Variants in SLC30A8 observed in about 807,000 individuals in gnomAD.
SLC30A8 encodes the protein proton-coupled zinc antiporter SLC30A8.
In SLC30A8, 27 loss-of-function variants were observed where a neutral mutation model predicts 36.9. That is an observed-to-expected ratio of 0.73 (90% CI 0.54 to 1.01). SLC30A8 has a LOEUF of 1.01. SLC30A8 is among the 50% of genes least tolerant of loss of function. The pLI is 0.00. For synonymous variants in SLC30A8, 164 were observed against 172.4 expected (o/e 0.95, Z 0.38); for missense variants, 439 against 452.0 (o/e 0.97, Z 0.26).
intron 2 of SLC30A8, among the ~76,000 whole-genome samples, chr8:117,067,093 G>A (rs565816579): frequency 6.6e-6 from 1 of 152,104 alleles, no homozygotes; most frequent in Non-Finnish European, 1.5e-5. Flanking sequence ...TGAGTAAAGG[G>A]GGAAAAACCC....
chr8:117,033,587 T>C (rs1817122196), intron 1 of SLC30A8, among the ~76,000 whole-genome samples: 1 of 152,246 alleles, frequency 6.6e-6, no homozygotes, highest in Non-Finnish European at 1.5e-5. Context: ...TAAATGTCCC[T>C]GAATTGTTCA....
chr8:116,962,911 AG>A (rs1221696002), intron 1 of SLC30A8, among the ~76,000 whole-genome samples: 1 of 152,024 alleles, frequency 6.6e-6, no homozygotes, highest in Non-Finnish European at 1.5e-5. Flanking sequence ...GTGCCAAAGC[AG>A]GGTACAAGGC....
intron 2 of SLC30A8, among the ~76,000 whole-genome samples, chr8:117,073,676 A>G: frequency 6.6e-6 from 1 of 152,090 alleles, no homozygotes; most frequent in East Asian, 1.9e-4. Context: ...TTTCACCTCA[A>G]CTATTCAAAA....
intron 2 of SLC30A8, among the ~76,000 whole-genome samples, chr8:117,066,797 C>T (rs552253592): frequency 6.6e-6 from 1 of 151,910 alleles, no homozygotes; most frequent in South Asian, 2.1e-4. Flanking sequence ...TCTCCTGAAG[C>T]CTGAAAGTGA....
intron 1 of SLC30A8, among the ~76,000 whole-genome samples, chr8:117,037,116 T>G (rs1817238427): frequency 6.6e-6 from 1 of 152,218 alleles, no homozygotes; most frequent in Admixed American, 6.5e-5. Flanking sequence ...ATTCTTTCTA[T>G]TCTCACCTTT....
chr8:116,961,495 A>G (rs1220419677), intron 1 of SLC30A8, among the ~76,000 whole-genome samples: 1 of 152,032 alleles, frequency 6.6e-6, no homozygotes, highest in Non-Finnish European at 1.5e-5. Context: ...TAAAAACAGA[A>G]TAAAAGACAT....
intron 1 of SLC30A8, among the ~76,000 whole-genome samples, chr8:117,032,787 G>A (rs935697516): frequency 3.3e-5 from 5 of 152,094 alleles, no homozygotes; most frequent in Non-Finnish European, 5.9e-5. Flanking sequence ...CTACTCAGGA[G>A]GCTGAGGCAA....
At chr8:117,138,002 C>T (rs1396123601) in intron 1 of SLC30A8, among the ~76,000 whole-genome samples, 8 of 149,590 alleles carry the variant, frequency 5.3e-5, no homozygotes, top group African/African-American at 2.0e-4. Flanking sequence ...TTTACCCTCT[C>T]CATTCTCTCC....
intron 1 of SLC30A8, among the ~76,000 whole-genome samples, chr8:116,965,023 G>T (rs751113608): frequency 1.2e-4 from 18 of 152,134 alleles, no homozygotes; most frequent in Non-Finnish European, 2.6e-4. Flanking sequence ...TGCAACCTCT[G>T]CCTCCCAGGT....
chr8:117,061,042 A>G (rs1818011638), intron 2 of SLC30A8, among the ~76,000 whole-genome samples: 1 of 152,104 alleles, frequency 6.6e-6, no homozygotes. Flanking sequence ...CCATAGTTTT[A>G]TTCAGCAAGC....
chr8:117,081,099 T>G (rs1331918674), intron 2 of SLC30A8, among the ~76,000 whole-genome samples: 1 of 152,184 alleles, frequency 6.6e-6, no homozygotes, highest in Non-Finnish European at 1.5e-5. Context: ...CATCTTATTA[T>G]TGGTGAAATT....
intron 2 of SLC30A8, among the ~76,000 whole-genome samples, chr8:117,107,634 T>C (rs1820048862): frequency 6.6e-6 from 1 of 152,156 alleles, no homozygotes. Flanking sequence ...GACAAGATGA[T>C]CCAAGTTCTA....
At chr8:117,016,523 G>T (rs1240346851) in intron 1 of SLC30A8, among the ~76,000 whole-genome samples, 3 of 152,182 alleles carry the variant, frequency 2.0e-5, no homozygotes, top group Non-Finnish European at 4.4e-5. Flanking sequence ...CATTTCTCCT[G>T]TTGAAATGCA....
At position 117,059,091 on chromosome 8, in the gene SLC30A8, G is replaced by T. The variant is rs141008316; in HGVS notation, c.-226+19833G>T. ...TTGTTATTGTTATTTTTATATTGAA[G>T]TCACGTTTATGGGAGCCTTAATATC... On this transcript the variant is annotated intron_variant, in intron 2 of 10. Coordinates refer to the SLC30A8 transcript ENST00000427715. Among the ~76,000 whole-genome samples the T allele has an allele frequency of 4.7e-3, 722 of 152,242 alleles. 7 individuals are homozygous for T. Among genetic ancestry groups the T allele is most frequent in the African/African-American group, 0.016 (685 of 41,534 alleles).
chr8:116,996,523 A>G (rs1157549987), intron 1 of SLC30A8, among the ~76,000 whole-genome samples: 2 of 152,096 alleles, frequency 1.3e-5, no homozygotes, highest in East Asian at 3.9e-4. Context: ...ACTCTTAGCT[A>G]TACTTGTTCT....
At chr8:117,045,374 AC>A (rs1817519047) in intron 2 of SLC30A8, among the ~76,000 whole-genome samples, 1 of 151,980 alleles carries the variant, frequency 6.6e-6, no homozygotes, top group Non-Finnish European at 1.5e-5. Context: ...CCAACAAATT[AC>A]CTTTTTTTAA....
intron 3 of SLC30A8, among the ~76,000 whole-genome samples, chr8:117,153,678 T>G (rs534743946): frequency 6.6e-6 from 1 of 152,086 alleles, no homozygotes; most frequent in Non-Finnish European, 1.5e-5. Flanking sequence ...CTTCACTGAA[T>G]AACTGCTTAC....
Position 117,153,034 on chromosome 8 carries a change from T to G in SLC30A8, c.362T>G (p.Leu121Arg). ...LTSFLLSLFS[L>R]WLSSKPPSKR... is the part of the protein sequence containing the mutation. ...AGTTTCCTGCTCAGTCTCTTCTCCC[T>G]GTGGTTGTCATCGAAGCCTCCCTCT... Residue 121 changes from leucine to arginine, a missense_variant, in exon 3 of 8, where the codon CTG becomes CGG. By Grantham distance (102) the Leu-to-Arg change is moderately radical. Coordinates refer to ENST00000456015, the MANE Select transcript of SLC30A8 (RefSeq NM_173851.3). 6.2e-7 allele frequency: 1 copy of G among 1,613,444 alleles called. No homozygotes were observed. Among genetic ancestry groups the G allele is most frequent in the Admixed American group, 1.7e-5 (1 of 60,020 alleles).
upstream of SLC30A8, among the ~76,000 whole-genome samples, chr8:117,132,834 A>G (rs1475478153): frequency 1.3e-5 from 2 of 152,046 alleles, no homozygotes; most frequent in South Asian, 2.1e-4. Context: ...ATGATATAAT[A>G]TGCAATTCTT....
Sources: gnomAD v4.1 joint callset for allele counts (sites outside exome capture counted in the v4.1 genomes callset) on GRCh38, gnomAD v4.1.1 for gene constraint, MANE v1.5 for transcripts, NCBI Gene and HGNC (gene_info 2026-07-23, HGNC 2026-07-21) for gene names.